The following SGPP2 variants were observed in gnomAD, a reference collection of about 807,000 sequenced individuals.
SGPP2 encodes sphingosine 1-phosphate phosphohydrolase 2.
In SGPP2, 30 loss-of-function variants were observed where a neutral mutation model predicts 33.9. The ratio of observed to expected loss-of-function variants is 0.89; its 90% CI spans 0.66 to 1.20. The LOEUF is 1.20. Among genes scored for constraint, SGPP2 ranks in the 50% most tolerant of loss-of-function variants. The pLI is 0.00. For missense variants in SGPP2, 458 were observed against 532.1 expected, an observed-to-expected ratio of 0.86 and a Z score of 1.37; for synonymous variants, 233 against 225.0, an observed-to-expected ratio of 1.04 and a Z score of -0.32.
chr2:222,511,469 G>A (rs980339846), intron 2 of SGPP2, among the ~76,000 whole-genome samples: 5 of 152,084 alleles, frequency 3.3e-5, no homozygotes, highest in African/African-American at 1.2e-4. Flanking sequence ...ATTACTTCCC[G>A]TGTTGCCTCC....
intron 2 of SGPP2, among the ~76,000 whole-genome samples, chr2:222,508,655 A>G (rs1348897614): frequency 3.3e-5 from 5 of 152,222 alleles, no homozygotes; most frequent in African/African-American, 1.2e-4. Flanking sequence ...GTCTTCAAAA[A>G]TTTCAAAAGC....
intron 1 of SGPP2, among the ~76,000 whole-genome samples, chr2:222,443,661 GT>G (rs1392685868): frequency 6.6e-6 from 1 of 151,924 alleles, no homozygotes; most frequent in East Asian, 1.9e-4. Flanking sequence ...CCACTTGTTT[GT>G]TTTTTTTAAC....
chr2:222,506,123 T>C (rs1345184523), intron 2 of SGPP2, among the ~76,000 whole-genome samples: 2 of 152,194 alleles, frequency 1.3e-5, no homozygotes, highest in East Asian at 3.8e-4. Flanking sequence ...TAGCTACCTC[T>C]TGTTATTGTA....
At chr2:222,555,814 A>C (rs947932044) in intron 4 of SGPP2, among the ~76,000 whole-genome samples, 1 of 152,208 alleles carries the variant, frequency 6.6e-6, no homozygotes, top group South Asian at 2.1e-4. Flanking sequence ...TAAAGGTCTG[A>C]TAAGTAAAGG....
At chr2:222,469,546 T>C (rs973584558) in intron 1 of SGPP2, among the ~76,000 whole-genome samples, 48 of 152,192 alleles carry the variant, frequency 3.2e-4, no homozygotes, top group Admixed American at 2.2e-3. Flanking sequence ...GGCCATCAGC[T>C]CTTTTGCTGG....
chr2:222,453,126 A>G (rs1380183440), intron 1 of SGPP2: 4 of 488,712 alleles, frequency 8.2e-6, no homozygotes, highest in Non-Finnish European at 1.1e-5. Context: ...CCTCAGATCC[A>G]TGGAGGAAGG....
chr2:222,495,337 T>G (rs958114079), intron 2 of SGPP2, among the ~76,000 whole-genome samples: 1 of 151,416 alleles, frequency 6.6e-6, no homozygotes, highest in African/African-American at 2.4e-5. Flanking sequence ...TTACCTGAGC[T>G]CAGGAGGTTG....
At chr2:222,451,181 A>C (rs969803394) in intron 1 of SGPP2, among the ~76,000 whole-genome samples, 10 of 152,098 alleles carry the variant, frequency 6.6e-5, no homozygotes, top group African/African-American at 1.9e-4. Context: ...TTAACCAAAC[A>C]AAACTCCCCA....
chr2:222,472,954 C>T (rs1485091147), intron 1 of SGPP2, among the ~76,000 whole-genome samples: 1 of 152,096 alleles, frequency 6.6e-6, no homozygotes. Flanking sequence ...GCAGAGGTTG[C>T]AGTGAGCCAA....
intron 1 of SGPP2, among the ~76,000 whole-genome samples, chr2:222,425,302 TG>T (rs2106050535): frequency 6.6e-6 from 1 of 152,024 alleles, no homozygotes; most frequent in Admixed American, 6.5e-5. Context: ...CCGCCAGCTC[TG>T]GGCACAGAAC....
chr2:222,428,468 A>G (rs560338226), intron 1 of SGPP2, among the ~76,000 whole-genome samples: 1 of 152,214 alleles, frequency 6.6e-6, no homozygotes, highest in Non-Finnish European at 1.5e-5. Flanking sequence ...ACTAAGGATC[A>G]TCTTTTCTAA....
At chr2:222,502,130 T>G (rs1021629775) in intron 2 of SGPP2, among the ~76,000 whole-genome samples, 1 of 152,214 alleles carries the variant, frequency 6.6e-6, no homozygotes, top group Non-Finnish European at 1.5e-5. Context: ...GTAAGGAAAT[T>G]GGCCTAGGTA....
intron 4 of SGPP2, among the ~76,000 whole-genome samples, chr2:222,556,394 C>T (rs1026238711): frequency 2.0e-4 from 31 of 151,740 alleles, no homozygotes; most frequent in African/African-American, 6.5e-4. Flanking sequence ...CAGGTGCAGG[C>T]GGTCAGGACA....
chr2:222,452,345 G>A, intron 1 of SGPP2: 2 of 689,426 alleles, frequency 2.9e-6, no homozygotes, highest in South Asian at 2.9e-5. Flanking sequence ...GAGGGGAGAG[G>A]AAGGATTCAG....
In SGPP2 at chr2:222,461,433, C is replaced by T. The variant is rs151137145; in HGVS notation, c.220-13135C>T. ...TCATGGAAGACGATTTTCCCACGGA[C>T]TGGGCAGGTGGGGGGATGGTTTTAG... On this transcript the variant is annotated intron_variant, in intron 1 of 4. Transcript: ENST00000321276. Among the ~76,000 whole-genome samples, 381 of 152,280 alleles carry T rather than the reference C, an allele frequency of 2.5e-3. 1 individual carries two copies. The highest frequency in any genetic ancestry group is 8.7e-3 in the African/African-American group (363 of 41,550).
chr2:222,494,805 C>G (rs1210282081), intron 2 of SGPP2, among the ~76,000 whole-genome samples: 1 of 152,164 alleles, frequency 6.6e-6, no homozygotes, highest in African/African-American at 2.4e-5. Context: ...CTTTTTTCCC[C>G]CCTCTTCATT....
chr2:222,465,320 G>T lies in SGPP2; in HGVS notation c.220-9248G>T, dbSNP rs78830710. ...AAAGAAGAAGCCCTCGTGCATTTTT[G>T]TTCCTTCTGTTTTCTCCTTCAAGGG... On this transcript the variant is annotated intron_variant, in intron 1 of 4. Coordinates refer to ENST00000321276, the MANE Select transcript of SGPP2 (RefSeq NM_152386.4). This position sits in a 1 kb window ranked among gnomAD's most constrained non-coding sequence, Gnocchi z 4.1. Among the ~76,000 whole-genome samples the T allele has an allele frequency of 3.3e-5, 5 of 152,020 alleles. No homozygotes were observed. The highest frequency in any genetic ancestry group is 1.2e-4 in the African/African-American group (5 of 41,386).
intron 2 of SGPP2, among the ~76,000 whole-genome samples, chr2:222,489,427 A>AG (rs1698163637): frequency 6.6e-6 from 1 of 152,070 alleles, no homozygotes; most frequent in African/African-American, 2.4e-5. Context: ...AAAAAAAAAA[A>AG]GATCAGGGCT....
chr2:222,428,298 A>C (rs1348907777), intron 1 of SGPP2, among the ~76,000 whole-genome samples: 1 of 152,170 alleles, frequency 6.6e-6, no homozygotes, highest in African/African-American at 2.4e-5. Context: ...GGATCCTAGG[A>C]CTGGGCCAGG....
Sources: allele counts gnomAD v4.1 joint callset (sites outside exome capture counted in the v4.1 genomes callset), GRCh38; gene constraint gnomAD v4.1.1; non-coding constraint Gnocchi (gnomAD v3.1); transcripts MANE v1.5; gene names NCBI Gene and HGNC (gene_info 2026-07-23, HGNC 2026-07-21).